LRRTM3: variants seen among roughly 807,000 people sequenced by gnomAD.
The protein encoded by LRRTM3 is leucine rich repeat transmembrane neuronal 3, also known as leucine-rich repeat transmembrane neuronal protein 3.
A neutral mutation model predicts 44.7 loss-of-function variants in LRRTM3; 24 were observed. The ratio of observed to expected loss-of-function variants is 0.54; its 90% confidence interval spans 0.39 to 0.76. The LOEUF (loss-of-function observed/expected upper bound fraction) is 0.76, where lower values mean the gene tolerates loss of function less well. Among genes scored for constraint, LRRTM3 ranks in the 30% least tolerant of loss-of-function variants. The probability of loss-of-function intolerance (pLI) is 0.00; values close to 1 mark genes in which losing one functional copy is unlikely to be tolerated. For synonymous variants in LRRTM3, 277 were observed against 278.7 expected (o/e 0.99, Z 0.06); for missense variants, 587 against 702.2 (o/e 0.84, Z 1.85).
chr10:66,927,729 C>T lies in LRRTM3; in HGVS notation c.813C>T (p.Pro271=). 2 of 1,614,156 alleles carry T rather than the reference C, an allele frequency of 1.2e-6. No individual in the cohort carries two copies. Among genetic ancestry groups the T allele is most frequent in the Non-Finnish European group, 1.7e-6 (2 of 1,180,026 alleles). ...SGNEIEAFSG[P]SVFQCVPNLQ... ...ATGAGATCGAAGCTTTCAGTGGACC[C>T]AGTGTTTTCCAGTGTGTCCCGAATC... The change falls in exon 2 of 3, where the codon CCC becomes CCT. Residue 271 remains proline, a synonymous_variant. Transcript: ENST00000361320. This position sits in a 1 kb window ranked among gnomAD's most constrained non-coding sequence, Gnocchi z 4.7.
At chr10:67,041,411 T>A (rs550606946) in intron 2 of LRRTM3, among the ~76,000 whole-genome samples, 15 of 152,234 alleles carry the variant, frequency 9.9e-5, no homozygotes, top group African/African-American at 3.1e-4. Flanking sequence ...TTCATTAGTA[T>A]TAACTGTATA....
chr10:67,025,007 G>C (rs1381052099), intron 2 of LRRTM3, among the ~76,000 whole-genome samples: 1 of 151,784 alleles, frequency 6.6e-6, no homozygotes, highest in Non-Finnish European at 1.5e-5. Flanking sequence ...GCGCATGCCT[G>C]TAATCTCAGC....
chr10:66,929,322 G>T (rs1847242148), intron 2 of LRRTM3, among the ~76,000 whole-genome samples: 1 of 152,176 alleles, frequency 6.6e-6, no homozygotes, highest in African/African-American at 2.4e-5. Flanking sequence ...TTCGCGAATG[G>T]GAAAGCAGCT....
chr10:66,947,279 G>A (rs560156423), intron 2 of LRRTM3, among the ~76,000 whole-genome samples: 5 of 152,142 alleles, frequency 3.3e-5, no homozygotes, highest in Non-Finnish European at 7.4e-5. Flanking sequence ...ATCTTGTACA[G>A]ATGCATTTCT....
chr10:67,054,116 T>C (rs1259534156), intron 2 of LRRTM3, among the ~76,000 whole-genome samples: 5 of 152,142 alleles, frequency 3.3e-5, no homozygotes, highest in Non-Finnish European at 7.4e-5. Context: ...ATCGCTCCTT[T>C]ATAATTCCAC....
chr10:66,980,683 A>C (rs890255697), intron 2 of LRRTM3, among the ~76,000 whole-genome samples: 1 of 152,188 alleles, frequency 6.6e-6, no homozygotes, highest in African/African-American at 2.4e-5. Context: ...TTCAGTTTTC[A>C]GTACAAAATT....
chr10:67,030,446 G>T (rs1443371503), intron 2 of LRRTM3, among the ~76,000 whole-genome samples: 1 of 151,762 alleles, frequency 6.6e-6, no homozygotes, highest in East Asian at 1.9e-4. Context: ...AATTAATCTT[G>T]AACTATATTT....
At chr10:66,989,565 A>G (rs1341745539) in intron 2 of LRRTM3, among the ~76,000 whole-genome samples, 2 of 152,190 alleles carry the variant, frequency 1.3e-5, no homozygotes, top group Non-Finnish European at 2.9e-5. Context: ...TCAAATATCC[A>G]TGTTAGCTAA....
Position 66,994,387 on chromosome 10 carries a change from G to C in LRRTM3, c.1536+65935G>C, listed in dbSNP as rs1851212246. Among the ~76,000 whole-genome samples the C allele has an allele frequency of 2.6e-5, 4 of 152,168 alleles. No homozygotes were observed. The South Asian group carries it at 8.3e-4, about 32-fold the overall frequency. On this transcript the variant is annotated intron_variant, in intron 2 of 2. Transcript: ENST00000361320. ...ATTAGGTACAGTGTGGAACAAATTAGCTCACTTAATAAATGGAATGAAGCT... is the reference window on the plus strand; with the variant it reads ...ATTAGGTACAGTGTGGAACAAATTACCTCACTTAATAAATGGAATGAAGCT...
At chr10:66,962,366 C>A (rs1435897439) in intron 2 of LRRTM3, among the ~76,000 whole-genome samples, 1 of 151,858 alleles carries the variant, frequency 6.6e-6, no homozygotes, top group Non-Finnish European at 1.5e-5. Flanking sequence ...CAAATGTCTG[C>A]CTCCTCAACT....
At chr10:66,946,134 A>G (rs1418593967) in intron 2 of LRRTM3, among the ~76,000 whole-genome samples, 2 of 152,200 alleles carry the variant, frequency 1.3e-5, no homozygotes, top group African/African-American at 2.4e-5. Context: ...TTCAGTTTGT[A>G]AAAATCATAA....
Position 67,012,084 on chromosome 10 carries a change from A to G in LRRTM3, c.1536+83632A>G, listed in dbSNP as rs144472062. 3.1e-3 allele frequency among the ~76,000 whole-genome samples: 468 copies of G among 152,354 alleles called. 2 individuals carry two copies. Among genetic ancestry groups the G allele is most frequent in the African/African-American group, 0.01 (433 of 41,576 alleles). ...TTGCCAAAAATCACAAGCTCCGTAG[A>G]TACAAGTCAAACACAACTCTCTCTG... On this transcript the variant is annotated intron_variant, in intron 2 of 2. Coordinates refer to ENST00000361320, the MANE Select transcript of LRRTM3 (RefSeq NM_178011.5).
chr10:67,024,525 C>T (rs1853231445), intron 2 of LRRTM3, among the ~76,000 whole-genome samples: 1 of 152,104 alleles, frequency 6.6e-6, no homozygotes, highest in Non-Finnish European at 1.5e-5. Flanking sequence ...ATTATTTGGC[C>T]TACCATAAGA....
chr10:66,963,414 C>T (rs767672528), intron 2 of LRRTM3, among the ~76,000 whole-genome samples: 3 of 152,154 alleles, frequency 2.0e-5, no homozygotes, highest in Non-Finnish European at 4.4e-5. Flanking sequence ...ATTATATGCA[C>T]AAAGTTCCTG....
At chr10:67,096,584 T>A (rs1014986932) in intron 2 of LRRTM3, among the ~76,000 whole-genome samples, 5 of 151,888 alleles carry the variant, frequency 3.3e-5, no homozygotes, top group African/African-American at 1.2e-4. Context: ...TGAAGGTTCC[T>A]GAAATCTGCC....
intron 2 of LRRTM3, among the ~76,000 whole-genome samples, chr10:67,096,954 G>T (rs993500728): frequency 1.3e-5 from 2 of 151,846 alleles, no homozygotes; most frequent in Non-Finnish European, 2.9e-5. Flanking sequence ...TAAATATTAA[G>T]AAGTCATGGG....
In LRRTM3 at chr10:66,960,815, G is replaced by C. The variant is rs548582287; in HGVS notation, c.1536+32363G>C. Among the ~76,000 whole-genome samples, 95 of 152,214 alleles carry C rather than the reference G, an allele frequency of 6.2e-4. 1 individual carries two copies. Among genetic ancestry groups the C allele is most frequent in the African/African-American group, 2.2e-3 (91 of 41,546 alleles). ...ACTTTGTGACTGCCCTTAGAAAAGG[G>C]GGGATGGTAGGGTTAGGAATAGTGA... On this transcript the variant is annotated intron_variant, in intron 2 of 2. Transcript: ENST00000361320.
chr10:67,097,589 A>G lies in LRRTM3; in HGVS notation c.1539A>G (p.Ile513Met). The change falls in exon 3 of 3, where the codon ATA becomes ATG. Residue 513 changes from isoleucine to methionine, a missense_variant and splice_region_variant. By Grantham distance (10) the Ile-to-Met change is conservative. Coordinates refer to ENST00000361320, the MANE Select transcript of LRRTM3 (RefSeq NM_178011.5). The stretch of plus-strand genomic sequence containing the variant: ...TTTCTCATGTCATTTTTCCCCAGAT[A>G]CCTTTATCAATGAATGTGTCAACCT... Reference protein sequence around the residue: ...YNKSGSRECEIPLSMNVSTFL... With the variant: ...YNKSGSRECEMPLSMNVSTFL... 1 of 1,611,820 alleles carries G rather than the reference A, an allele frequency of 6.2e-7. No homozygotes were observed. Among genetic ancestry groups the G allele is most frequent in the Non-Finnish European group, 8.5e-7 (1 of 1,178,518 alleles).
intron 2 of LRRTM3, among the ~76,000 whole-genome samples, chr10:67,018,713 G>A (rs1009819378): frequency 2.8e-4 from 42 of 152,128 alleles, no homozygotes; most frequent in African/African-American, 1.0e-3. Context: ...TTCCTCATAT[G>A]CAAAATGAGA....
Sources: gnomAD v4.1 joint callset for allele counts (sites outside exome capture counted in the v4.1 genomes callset) on GRCh38, gnomAD v4.1.1 for gene constraint, Gnocchi (gnomAD v3.1) non-coding constraint, MANE v1.5 for transcripts, NCBI Gene and HGNC (gene_info 2026-07-23, HGNC 2026-07-21) for gene names.